Variants in CADM1 observed in about 807,000 individuals in gnomAD.
CADM1 encodes the protein TSLC-1.
In CADM1, 15 loss-of-function variants were observed where a neutral mutation model predicts 53.1. The observed-to-expected ratio is 0.28, with a 90% confidence interval of 0.19 to 0.44. The LOEUF is 0.44. Among genes scored for constraint, CADM1 ranks in the 20% least tolerant of loss-of-function variants. The pLI is 1.00. For synonymous variants in CADM1, 281 were observed against 243.0 expected (o/e 1.16, Z -1.45); for missense variants, 434 against 611.3 (o/e 0.71, Z 3.06).
chr11:115,457,815 C>G (rs1386405409), intron 1 of CADM1, among the ~76,000 whole-genome samples: 1 of 151,842 alleles, frequency 6.6e-6, no homozygotes, highest in African/African-American at 2.4e-5. Flanking sequence ...TCATCTCAAC[C>G]GTAACACTAA....
chr11:115,404,346 A>AAAAAAAAAAATATATATAT (rs1947251974), intron 1 of CADM1, among the ~76,000 whole-genome samples: 1 of 33,792 alleles, frequency 3.0e-5, no homozygotes, highest in Non-Finnish European at 4.9e-5. Context: ...AAAAAAAAAA[A>AAAAAAAAAAATATATATAT]ATATATATAT....
intron 1 of CADM1, among the ~76,000 whole-genome samples, chr11:115,277,502 A>G (rs188904947): frequency 9.2e-5 from 14 of 152,346 alleles, no homozygotes; most frequent in Non-Finnish European, 1.0e-4. Flanking sequence ...AAATCCCTTC[A>G]TCGAATTCAG....
chr11:115,439,837 A>C (rs1398115063), intron 1 of CADM1, among the ~76,000 whole-genome samples: 1 of 152,198 alleles, frequency 6.6e-6, no homozygotes, highest in Non-Finnish European at 1.5e-5. Context: ...TTTCCCATCA[A>C]AACATTGGAG....
At chr11:115,260,207 G>T (rs1312781100) in intron 1 of CADM1, among the ~76,000 whole-genome samples, 3 of 152,154 alleles carry the variant, frequency 2.0e-5, no homozygotes, top group Non-Finnish European at 4.4e-5. Flanking sequence ...TGGGATTACA[G>T]GCATGAGCCA....
chr11:115,245,229 T>C (rs1942371945), intron 1 of CADM1, among the ~76,000 whole-genome samples: 1 of 152,170 alleles, frequency 6.6e-6, no homozygotes, highest in Non-Finnish European at 1.5e-5. Context: ...TTCTGCTCTA[T>C]GGAAGACTGA....
intron 1 of CADM1, among the ~76,000 whole-genome samples, chr11:115,462,301 G>GA (rs1263448364): frequency 4.6e-5 from 7 of 152,326 alleles, no homozygotes; most frequent in Admixed American, 2.0e-4. Flanking sequence ...ATGAATGGCT[G>GA]AAAAGCAGCC....
chr11:115,331,710 AC>A (rs906518263), intron 1 of CADM1, among the ~76,000 whole-genome samples: 1 of 149,962 alleles, frequency 6.7e-6, no homozygotes, highest in African/African-American at 2.5e-5. Context: ...TCAAGATTTT[AC>A]CAAGTCTATA....
At chr11:115,473,310 T>A (rs1449309199) in intron 1 of CADM1, among the ~76,000 whole-genome samples, 14 of 152,028 alleles carry the variant, frequency 9.2e-5, no homozygotes, top group Admixed American at 9.2e-4. Flanking sequence ...TTTTAAAAAA[T>A]TCGCCAGGCG....
chr11:115,206,681 A>G (rs1206476779), intron 8 of CADM1, among the ~76,000 whole-genome samples: 1 of 146,680 alleles, frequency 6.8e-6, no homozygotes, highest in African/African-American at 2.5e-5. Context: ...TTTTTCTTGT[A>G]ATGAAACCCT....
chr11:115,264,544 T>G (rs1480906682), intron 1 of CADM1, among the ~76,000 whole-genome samples: 5 of 152,188 alleles, frequency 3.3e-5, no homozygotes, highest in African/African-American at 1.2e-4. Flanking sequence ...TTCAGAGACC[T>G]AGTTTTTCCA....
intron 5 of CADM1, among the ~76,000 whole-genome samples, chr11:115,221,606 A>G (rs1476985286): frequency 1.3e-5 from 2 of 152,210 alleles, no homozygotes; most frequent in African/African-American, 4.8e-5. Context: ...CTGACCTTGC[A>G]CCACATTCTG....
At chr11:115,206,174 C>T (rs529623111) in intron 8 of CADM1, among the ~76,000 whole-genome samples, 9 of 152,252 alleles carry the variant, frequency 5.9e-5, no homozygotes, top group African/African-American at 9.6e-5. Context: ...TGTATGGGTA[C>T]GGTTTCTGTT....
At chr11:115,503,660 G>A (rs1949783794) in intron 1 of CADM1, among the ~76,000 whole-genome samples, 2 of 152,344 alleles carry the variant, frequency 1.3e-5, no homozygotes, top group South Asian at 4.1e-4. Flanking sequence ...CGAACGGCCG[G>A]AGGGAAACAC....
At chr11:115,197,755 T>G (rs1430098287) in intron 9 of CADM1, among the ~76,000 whole-genome samples, 2 of 152,198 alleles carry the variant, frequency 1.3e-5, no homozygotes. Context: ...AATTGACACA[T>G]GGTATCATTC....
chr11:115,232,594 C>T (rs541672161), intron 3 of CADM1, among the ~76,000 whole-genome samples: 11 of 151,992 alleles, frequency 7.2e-5, no homozygotes, highest in Non-Finnish European at 1.0e-4. Context: ...GTCAAAATAA[C>T]GGATTGGGAA....
intron 1 of CADM1, among the ~76,000 whole-genome samples, chr11:115,430,300 G>A (rs1005005925): frequency 4.6e-5 from 7 of 152,170 alleles, no homozygotes; most frequent in African/African-American, 1.2e-4. Flanking sequence ...GATAGCTAAC[G>A]CTGGGCGTTT....
At chr11:115,258,990 C>T (rs1228342743) in intron 1 of CADM1, among the ~76,000 whole-genome samples, 2 of 151,804 alleles carry the variant, frequency 1.3e-5, no homozygotes, top group South Asian at 2.1e-4. Context: ...GTTAACTTTC[C>T]AACTTTTTTT....
chr11:115,275,883 C>A (rs187226818), intron 1 of CADM1, among the ~76,000 whole-genome samples: 144 of 152,246 alleles, frequency 9.5e-4, no homozygotes, highest in Non-Finnish European at 1.7e-3. Flanking sequence ...CCATTAGCTG[C>A]AATTTTCAAT....
Position 115,176,586 on chromosome 11 carries a change from T to C in CADM1, c.1304A>G (p.Tyr435Cys). ...GRYFARHKGT[Y>C]FTHEAKGADD... ...GGCTCCTTTGGCTTCATGAGTGAAG[T>C]ATGTACCTGAAAGATGAAGGGGTAA... Residue 435 changes from tyrosine (Y) to cysteine (C), a missense_variant, in exon 12 of 12, where the codon TAC becomes TGC. Tyr to Cys is a radical substitution (Grantham distance 194). Coordinates refer to ENST00000331581, the MANE Select transcript of CADM1 (RefSeq NM_001301043.2). 6.2e-7 allele frequency: 1 copy of C among 1,613,666 alleles called. No individual in the cohort carries two copies. The highest frequency in any genetic ancestry group is 8.5e-7 in the Non-Finnish European group (1 of 1,179,616).
Sources: allele counts gnomAD v4.1 joint callset (sites outside exome capture counted in the v4.1 genomes callset), GRCh38; gene constraint gnomAD v4.1.1; transcripts MANE v1.5; gene names NCBI Gene and HGNC (gene_info 2026-07-23, HGNC 2026-07-21).